Variants in TANC2 observed in about 807,000 individuals in gnomAD.
The protein encoded by TANC2 is tetratricopeptide repeat, ankyrin repeat and coiled-coil containing 2.
In TANC2, 26 loss-of-function variants were observed where a neutral mutation model predicts 210.5. The observed-to-expected ratio is 0.12, with a 90% CI of 0.09 to 0.17. The LOEUF (loss-of-function observed/expected upper bound fraction) is 0.17. Ranked by LOEUF, TANC2 falls within the 10% of genes least tolerant of loss-of-function variation. The probability of loss-of-function intolerance (pLI) is 1.00; values close to 1 mark genes in which losing one functional copy is unlikely to be tolerated. For synonymous variants in TANC2, 931 were observed against 967.1 expected, an observed-to-expected ratio of 0.96 and a Z score of 0.69; for missense variants, 2,129 against 2,608.9, an observed-to-expected ratio of 0.82 and a Z score of 4.01.
intron 1 of TANC2, among the ~76,000 whole-genome samples, chr17:62,972,021 A>C (rs763655159): frequency 2.0e-5 from 3 of 152,226 alleles, no homozygotes; most frequent in Non-Finnish European, 4.4e-5. Context: ...TATTAGATGG[A>C]GAACAGGAAC....
At chr17:63,021,720 T>C (rs960121606) in intron 2 of TANC2, among the ~76,000 whole-genome samples, 2 of 152,130 alleles carry the variant, frequency 1.3e-5, no homozygotes, top group African/African-American at 4.8e-5. Flanking sequence ...AGCTTGAAAG[T>C]GAATAATAGA....
At position 63,222,591 on chromosome 17, in the gene TANC2, T is replaced by C. The variant is rs75460927; in HGVS notation, c.770-15223T>C. Reference sequence around the variant, plus strand: ...AGGTGTAGGATTGACCGCAAAATGTTAGGAGGCAACTGTATGGGATGATGG... The same window carrying C: ...AGGTGTAGGATTGACCGCAAAATGTCAGGAGGCAACTGTATGGGATGATGG... On this transcript the variant is annotated intron_variant, in intron 7 of 27. Transcript: ENST00000689528. 8.4e-3 allele frequency among the ~76,000 whole-genome samples: 1,283 copies of C among 152,218 alleles called. 15 individuals are homozygous for C. The highest frequency in any genetic ancestry group is 0.028 in the African/African-American group (1,177 of 41,526).
At chr17:63,287,352 A>G (rs2044255078) in intron 9 of TANC2, among the ~76,000 whole-genome samples, 2 of 152,120 alleles carry the variant, frequency 1.3e-5, no homozygotes, top group Admixed American at 1.3e-4. Context: ...TTTCTCTACT[A>G]ATTCTAACAT....
chr17:63,376,529 CAG>C (rs796945078), intron 14 of TANC2, among the ~76,000 whole-genome samples: 118 of 152,254 alleles, frequency 7.8e-4, no homozygotes, highest in African/African-American at 2.7e-3. Context: ...ACCTGGAACA[CAG>C]GGGATGGGAC....
At chr17:63,384,255 G>A (rs2047705574) in intron 15 of TANC2, among the ~76,000 whole-genome samples, 2 of 151,894 alleles carry the variant, frequency 1.3e-5, no homozygotes, top group African/African-American at 4.8e-5. Context: ...ATTTTTTGTA[G>A]AGATGGGGGT....
intron 14 of TANC2, among the ~76,000 whole-genome samples, chr17:63,376,165 G>C (rs1402850607): frequency 6.6e-6 from 1 of 151,970 alleles, no homozygotes; most frequent in Non-Finnish European, 1.5e-5. Flanking sequence ...CGGGTGCGGT[G>C]GCTCACACCT....
intron 5 of TANC2, among the ~76,000 whole-genome samples, chr17:63,165,679 A>G (rs1261344011): frequency 1.3e-5 from 2 of 152,212 alleles, no homozygotes; most frequent in African/African-American, 2.4e-5. Context: ...TAAATTTGTC[A>G]TTTAGATTAA....
At position 63,412,845 on chromosome 17, in the gene TANC2, T is replaced by G; in HGVS notation, c.3928+136T>G. ...TACTTCACCTTAAAAGAAGATTTTT[T>G]TTAATGACTGTTGTAGAGAATAACT... On this transcript the variant is annotated intron_variant, in intron 24 of 27. Coordinates refer to ENST00000689528, the Ensembl canonical transcript of TANC2. The surrounding 1 kb of genome is among the most constrained non-coding windows in gnomAD (Gnocchi z 4.2). 9.4e-7 allele frequency: 1 copy of G among 1,067,290 alleles called. No homozygotes were observed. The highest frequency in any genetic ancestry group is 1.3e-6 in the Non-Finnish European group (1 of 760,662). 66.1% of individuals were successfully genotyped at this position (1,067,290 alleles called of 1,614,324 possible).
At chr17:63,167,679 A>C (rs1004041368) in intron 5 of TANC2, among the ~76,000 whole-genome samples, 3 of 152,074 alleles carry the variant, frequency 2.0e-5, no homozygotes, top group Non-Finnish European at 2.9e-5. Context: ...TAATAGTTTT[A>C]TGTGAAAACT....
chr17:63,111,338 A>G (rs1210093847), intron 4 of TANC2, among the ~76,000 whole-genome samples: 1 of 152,176 alleles, frequency 6.6e-6, no homozygotes, highest in East Asian at 1.9e-4. Context: ...ATGTGTGTCA[A>G]GAACTTAGTA....
chr17:63,383,858 T>G (rs2047691248), intron 15 of TANC2, among the ~76,000 whole-genome samples: 1 of 152,168 alleles, frequency 6.6e-6, no homozygotes, highest in South Asian at 2.1e-4. Flanking sequence ...TTTGAAAAGC[T>G]TCCCAGGTAA....
At chr17:63,304,973 C>T (rs2044851809) in intron 9 of TANC2, among the ~76,000 whole-genome samples, 1 of 152,242 alleles carries the variant, frequency 6.6e-6, no homozygotes, top group South Asian at 2.1e-4. Context: ...GAGATGGCTG[C>T]CGCCCATCCC....
At chr17:63,315,317 AC>A (rs145472053) in intron 10 of TANC2, among the ~76,000 whole-genome samples, 4,312 of 152,296 alleles carry the variant, frequency 0.028, 98 homozygotes, top group South Asian at 0.089. Flanking sequence ...ACATCCTGTT[AC>A]CAGCTCAATG....
chr17:63,389,608 C>T (rs1445071500), intron 17 of TANC2, 64 bp downstream of exon 17: 1 of 1,419,100 alleles, frequency 7.0e-7, no homozygotes, highest in Non-Finnish European at 9.7e-7. Context: ...CATACTCTTT[C>T]TTATCTCCAG....
At chr17:63,285,431 T>C (rs1357520014) in intron 9 of TANC2, among the ~76,000 whole-genome samples, 1 of 152,192 alleles carries the variant, frequency 6.6e-6, no homozygotes, top group East Asian at 1.9e-4. Context: ...TATTACAGTG[T>C]ACCCTTAAGT....
chr17:63,347,126 A>G (rs2046440391), intron 12 of TANC2, among the ~76,000 whole-genome samples: 1 of 152,250 alleles, frequency 6.6e-6, no homozygotes, highest in African/African-American at 2.4e-5. Context: ...GAATGTTTCT[A>G]GCAGCTTTAT....
At chr17:63,315,516 G>T (rs2045286219) in intron 10 of TANC2, among the ~76,000 whole-genome samples, 1 of 152,128 alleles carries the variant, frequency 6.6e-6, no homozygotes, top group Admixed American at 6.6e-5. Context: ...AAATAGAAAT[G>T]TATCAGTATT....
rs114023330 is a variant in TANC2 at position 63,133,864 on chromosome 17, G to A, written c.323-17406G>A. On this transcript the variant is annotated intron_variant, in intron 4 of 27. Coordinates refer to ENST00000689528, the Ensembl canonical transcript of TANC2. The stretch of plus-strand genomic sequence containing the variant: ...CCTACACATAGAATGGGTAGAATTT[G>A]TACTGCAAATTTATAAAACCAGAAT... 8.5e-3 allele frequency among the ~76,000 whole-genome samples: 1,296 copies of A among 151,594 alleles called. 16 individuals are homozygous for A. Among genetic ancestry groups the A allele is most frequent in the African/African-American group, 0.029 (1,187 of 40,994 alleles).
chr17:63,424,193 A>G (rs2049091020), exon 28 of TANC2: 1 of 152,274 alleles, frequency 6.6e-6, no homozygotes, highest in Non-Finnish European at 1.5e-5. Context: ...AGCTTTACAA[A>G]TATGCCGCTG....
Sources: allele counts gnomAD v4.1 joint callset (sites outside exome capture counted in the v4.1 genomes callset), GRCh38; gene constraint gnomAD v4.1.1; non-coding constraint Gnocchi (gnomAD v3.1); transcripts MANE v1.5; gene names NCBI Gene and HGNC (gene_info 2026-07-23, HGNC 2026-07-21).